Variants in PDE7B observed in about 807,000 individuals in gnomAD.
PDE7B encodes the protein 3',5'-cyclic-AMP phosphodiesterase 7B.
PDE7B carries 29 observed loss-of-function variants against 56.2 expected under a neutral mutation model. That is an observed-to-expected ratio of 0.52 (90% CI 0.38 to 0.70). The LOEUF (loss-of-function observed/expected upper bound fraction) is 0.70, where lower values mean the gene tolerates loss of function less well. PDE7B is among the 30% of genes least tolerant of loss of function. The pLI is 0.00. For missense variants in PDE7B, 490 were observed against 565.0 expected (o/e 0.87, Z 1.35); for synonymous variants, 197 against 196.9 (o/e 1.00, Z 0.00).
In PDE7B at chr6:136,046,532, C is replaced by G. The variant is rs559986713; in HGVS notation, c.83-62199C>G. On this transcript the variant is annotated intron_variant, in intron 2 of 12. Coordinates refer to ENST00000308191, the MANE Select transcript of PDE7B (RefSeq NM_018945.4). ...GTGCCTTGGGTTCCCACATACCTAT[C>G]CAATGTTTCTCCTGCACACGCCTGA... 3.3e-5 allele frequency among the ~76,000 whole-genome samples: 5 copies of G among 152,338 alleles called. 1 individual carries two copies. The highest frequency in any genetic ancestry group is 2.6e-4 in the Admixed American group (4 of 15,308).
At chr6:136,011,452 A>G (rs1191735212) in intron 2 of PDE7B, among the ~76,000 whole-genome samples, 1 of 152,232 alleles carries the variant, frequency 6.6e-6, no homozygotes, top group African/African-American at 2.4e-5. Context: ...AAGTTATAGA[A>G]AATATAATTT....
chr6:135,939,525 T>C (rs1774474708), intron 1 of PDE7B, among the ~76,000 whole-genome samples: 1 of 152,202 alleles, frequency 6.6e-6, no homozygotes, highest in Admixed American at 6.5e-5. Context: ...TCAGCCCCAG[T>C]TCCAAATCTG....
intron 1 of PDE7B, among the ~76,000 whole-genome samples, chr6:135,887,971 G>A (rs991136691): frequency 3.9e-5 from 6 of 151,964 alleles, no homozygotes; most frequent in African/African-American, 9.7e-5. Context: ...GTTCTACTGC[G>A]CTTACTATTT....
At chr6:136,080,948 C>T (rs1021972741) in intron 2 of PDE7B, among the ~76,000 whole-genome samples, 3 of 152,186 alleles carry the variant, frequency 2.0e-5, no homozygotes, top group African/African-American at 4.8e-5. Flanking sequence ...GATACTTGAA[C>T]TGAGTCTTGA....
intron 2 of PDE7B, among the ~76,000 whole-genome samples, chr6:136,056,674 G>A (rs973398922): frequency 2.0e-4 from 31 of 151,660 alleles, no homozygotes; most frequent in African/African-American, 6.5e-4. Flanking sequence ...TGGGATTACA[G>A]GCACCTGCCA....
At chr6:136,156,384 A>C (rs924907500) in intron 8 of PDE7B, among the ~76,000 whole-genome samples, 1 of 152,108 alleles carries the variant, frequency 6.6e-6, no homozygotes, top group Non-Finnish European at 1.5e-5. Flanking sequence ...ACAAGGTCTC[A>C]CTATGTTGCC....
intron 1 of PDE7B, among the ~76,000 whole-genome samples, chr6:135,919,835 G>A (rs1215767515): frequency 6.6e-6 from 1 of 152,174 alleles, no homozygotes; most frequent in Non-Finnish European, 1.5e-5. Flanking sequence ...GGACAGAACA[G>A]TGCCCCTCAC....
chr6:136,077,465 G>T (rs1777143282), intron 2 of PDE7B, among the ~76,000 whole-genome samples: 1 of 151,588 alleles, frequency 6.6e-6, no homozygotes, highest in African/African-American at 2.4e-5. Context: ...AGGGAAAGGT[G>T]GTGAAAAAAG....
At chr6:136,000,430 A>G (rs1232085091) in intron 2 of PDE7B, among the ~76,000 whole-genome samples, 1 of 152,130 alleles carries the variant, frequency 6.6e-6, no homozygotes, top group African/African-American at 2.4e-5. Flanking sequence ...TTTTGTATAT[A>G]GCATAAGAAA....
chr6:136,098,147 G>GAAAAA (rs1554279576), intron 2 of PDE7B: 11 of 62,936 alleles, frequency 1.7e-4, no homozygotes, highest in African/African-American at 6.7e-4. Flanking sequence ...GGGGGGGGGG[G>GAAAAA]AAATATATGT....
At chr6:136,098,625 C>G (rs1002553910) in intron 2 of PDE7B, among the ~76,000 whole-genome samples, 11 of 152,214 alleles carry the variant, frequency 7.2e-5, no homozygotes, top group Admixed American at 6.5e-4. Context: ...GGAACCCAAA[C>G]CCAAATATTT....
At chr6:136,151,394 T>C in intron 6 of PDE7B, 139 bp downstream of exon 6, 2 of 547,996 alleles carry the variant, frequency 3.6e-6, no homozygotes, top group Non-Finnish European at 3.2e-6. Flanking sequence ...CATCTTACTT[T>C]TAAAATATGG....
chr6:136,084,649 A>AG (rs1777259809), intron 2 of PDE7B, among the ~76,000 whole-genome samples: 2 of 152,196 alleles, frequency 1.3e-5, no homozygotes, highest in African/African-American at 4.8e-5. Flanking sequence ...TTGTAAGTAT[A>AG]GTGTTCTTAT....
At chr6:136,146,912 C>T (rs970374382) in intron 3 of PDE7B, among the ~76,000 whole-genome samples, 40 of 152,172 alleles carry the variant, frequency 2.6e-4, no homozygotes, top group Admixed American at 2.0e-4. Context: ...GTGGCTCTCT[C>T]CTATAATCCC....
chr6:135,895,622 T>G (rs1183967034), intron 1 of PDE7B, among the ~76,000 whole-genome samples: 1 of 152,150 alleles, frequency 6.6e-6, no homozygotes, highest in Non-Finnish European at 1.5e-5. Flanking sequence ...GGCAAAAACA[T>G]TTCAGAAATA....
chr6:136,133,783 C>T (rs921982685), intron 3 of PDE7B, among the ~76,000 whole-genome samples: 1 of 152,076 alleles, frequency 6.6e-6, no homozygotes, highest in Non-Finnish European at 1.5e-5. Context: ...ATGCCTCTGA[C>T]CAGGAGCCCA....
At chr6:135,920,515 A>C (rs560271653) in intron 1 of PDE7B, among the ~76,000 whole-genome samples, 2 of 152,222 alleles carry the variant, frequency 1.3e-5, no homozygotes, top group East Asian at 3.9e-4. Context: ...CTCCTAAAAG[A>C]CCAGTCTCTC....
At position 136,194,532 on chromosome 6, in the gene PDE7B, A is replaced by G. The variant is rs1562519553; in HGVS notation, c.*2692A>G. The G allele has an allele frequency of 6.6e-6, 1 of 152,216 alleles. No individual in the cohort carries two copies. Among genetic ancestry groups the G allele is most frequent in the African/African-American group, 2.4e-5 (1 of 41,454 alleles). 9.4% of individuals were successfully genotyped at this position (152,216 alleles called of 1,614,324 possible). On this transcript the variant is annotated 3_prime_UTR_variant, in exon 13 of 13. Transcript: ENST00000308191. ...TGTTGGTAAAAAGAAAAAGAATGTGAAAATGTCTCTTTTTTTCTTGGCTAT... is the reference window on the plus strand; with the variant it reads ...TGTTGGTAAAAAGAAAAAGAATGTGGAAATGTCTCTTTTTTTCTTGGCTAT...
At chr6:136,109,331 A>T (rs187977229) in intron 3 of PDE7B, among the ~76,000 whole-genome samples, 317 of 152,234 alleles carry the variant, frequency 2.1e-3, no homozygotes, top group African/African-American at 7.2e-3. Flanking sequence ...AAAGAATAAA[A>T]TTTTTTGTAT....
Sources: allele counts gnomAD v4.1 joint callset (sites outside exome capture counted in the v4.1 genomes callset), GRCh38; gene constraint gnomAD v4.1.1; transcripts MANE v1.5; gene names NCBI Gene and HGNC (gene_info 2026-07-23, HGNC 2026-07-21).